The following CSE1L variants were observed in gnomAD, a reference collection of about 807,000 sequenced individuals.
The protein encoded by CSE1L is chromosome segregation 1 like.
In CSE1L, 24 loss-of-function variants were observed where a neutral mutation model predicts 120.4. The observed-to-expected ratio is 0.20, with a 90% CI of 0.14 to 0.28. The LOEUF is 0.28. Among genes scored for constraint, CSE1L ranks in the 10% least tolerant of loss-of-function variants. The pLI is 1.00. For missense variants in CSE1L, 830 were observed against 1,145.2 expected (o/e 0.72, Z 3.97); for synonymous variants, 402 against 398.3 (o/e 1.01, Z -0.11).
rs753704032 is a variant in CSE1L, at chr20:49,075,272, G to T, written c.1133-46G>T. On this transcript the variant is annotated intron_variant, in intron 11 of 24. Transcript: ENST00000262982. ...TCTTATAAATTGGATCAGCTTGTTG[G>T]TGGTTGTTTTTTTTCCCCATAATAT... 3.5e-6 allele frequency: 5 copies of T among 1,423,696 alleles called. No individual in the cohort carries two copies. The Admixed American group carries it at 5.3e-5, about 15-fold the overall frequency. 88.2% of individuals were successfully genotyped at this position (1,423,696 alleles called of 1,614,324 possible). A position where few individuals can be genotyped will look rare whatever the true frequency, so the allele number is the denominator to read the frequency against.
intron 21 of CSE1L, 49 bp from the exon 22 acceptor site, chr20:49,091,997 T>G: frequency 2.0e-6 from 2 of 1,002,410 alleles, no homozygotes; most frequent in South Asian, 2.8e-5. Context: ...CAGTTACCAG[T>G]TTAGTGCGTG....
At chr20:49,056,934 A>G (rs948779281) in intron 1 of CSE1L, among the ~76,000 whole-genome samples, 14 of 152,074 alleles carry the variant, frequency 9.2e-5, no homozygotes, top group Non-Finnish European at 2.1e-4. Flanking sequence ...TGTACAATAC[A>G]TTATTATAGT....
intron 14 of CSE1L, among the ~76,000 whole-genome samples, chr20:49,079,553 G>A (rs2091994544): frequency 6.6e-6 from 1 of 151,736 alleles, no homozygotes; most frequent in Non-Finnish European, 1.5e-5. Flanking sequence ...GCTTGTTGTT[G>A]GAGAAAACAC....
rs139419837 is a variant in CSE1L at position 49,066,557 on chromosome 20, A to G, written c.476+47A>G. 599 of 1,527,040 alleles carry G rather than the reference A, an allele frequency of 3.9e-4. 1 individual carries two copies. In the African/African-American group the frequency reaches 7.5e-3, roughly 19 times the overall value. The allele number at this position is 1,527,040 out of a possible 1,614,324, so 94.6% of individuals were successfully genotyped here. A position where few individuals can be genotyped will look rare whatever the true frequency, so the allele number is the denominator to read the frequency against. ...TTTTTAAAATACTTTCTAAAGTTTT[A>G]TTTGCTTGTGTAAACAGTTGTGTTT... On this transcript the variant is annotated intron_variant, in intron 5 of 24. Transcript: ENST00000262982.
At chr20:49,085,562 A>ATT (rs11471947) in intron 16 of CSE1L, among the ~76,000 whole-genome samples, 176 bp downstream of exon 16, 2,837 of 79,802 alleles carry the variant, frequency 0.036, 668 homozygotes, top group African/African-American at 0.12. Flanking sequence ...ACTAACAATA[A>ATT]TTTTTTTTTT....
intron 1 of CSE1L, among the ~76,000 whole-genome samples, chr20:49,056,708 T>G (rs1227530989): frequency 1.3e-5 from 2 of 152,148 alleles, no homozygotes; most frequent in Non-Finnish European, 2.9e-5. Context: ...TTCATTTTCC[T>G]TTTAATTGAG....
chr20:49,065,728 GGA>G (rs2091887565), intron 3 of CSE1L, among the ~76,000 whole-genome samples: 1 of 148,796 alleles, frequency 6.7e-6, no homozygotes, highest in South Asian at 2.1e-4. Context: ...CGAGTAACTG[GGA>G]TTATAGGTGC....
intron 1 of CSE1L, among the ~76,000 whole-genome samples, chr20:49,056,977 G>T (rs905066353): frequency 6.6e-6 from 1 of 152,016 alleles, no homozygotes; most frequent in African/African-American, 2.4e-5. Context: ...CTTGAACTGT[G>T]TATTTCTTAG....
In CSE1L at chr20:49,090,269, T is replaced by G. The variant is rs114679604; in HGVS notation, c.2182-473T>G. Among the ~76,000 whole-genome samples, 850 of 152,278 alleles carry G rather than the reference T, an allele frequency of 5.6e-3. 9 individuals carry two copies. The highest frequency in any genetic ancestry group is 0.019 in the African/African-American group (797 of 41,566). Reference sequence around the variant, plus strand: ...GCCAAACAGGTTGATTTTAAGAACTTAACTTTGGTCGGGCGTGGTGGCTCA... The same window carrying G: ...GCCAAACAGGTTGATTTTAAGAACTGAACTTTGGTCGGGCGTGGTGGCTCA... On this transcript the variant is annotated intron_variant, in intron 19 of 24. Transcript: ENST00000262982.
intron 14 of CSE1L, among the ~76,000 whole-genome samples, chr20:49,082,113 AGTCTTGCTCT>A (rs1471780545): frequency 2.6e-5 from 4 of 151,194 alleles, no homozygotes; most frequent in Non-Finnish European, 5.9e-5. Flanking sequence ...TTTTAGATGG[AGTCTTGCTCT>A]GTTGCCCAGG....
At chr20:49,071,953 G>A (rs1257474622) in intron 8 of CSE1L, among the ~76,000 whole-genome samples, 13 of 143,348 alleles carry the variant, frequency 9.1e-5, no homozygotes, top group Non-Finnish European at 2.0e-4. Context: ...GGGCAACAGA[G>A]GGAGACTGCG....
At chr20:49,055,945 A>G (rs1439831461) in intron 1 of CSE1L, among the ~76,000 whole-genome samples, 6 of 151,382 alleles carry the variant, frequency 4.0e-5, no homozygotes, top group Non-Finnish European at 1.5e-5. Flanking sequence ...CCTTTTTTAC[A>G]TTTTACAAAA....
chr20:49,074,008 A>G (rs886070469), intron 10 of CSE1L, among the ~76,000 whole-genome samples: 35 of 152,132 alleles, frequency 2.3e-4, no homozygotes, highest in African/African-American at 8.4e-4. Flanking sequence ...TGAGCCCAGG[A>G]GTTAAAGACC....
intron 9 of CSE1L, 27 bp downstream of exon 9, chr20:49,072,480 T>C: frequency 6.2e-7 from 1 of 1,610,188 alleles, no homozygotes; most frequent in Non-Finnish European, 8.5e-7. Context: ...GACAAATAAT[T>C]AAAAGACATT....
intron 21 of CSE1L, among the ~76,000 whole-genome samples, chr20:49,091,391 A>G (rs1156424352): frequency 6.6e-6 from 1 of 151,600 alleles, no homozygotes; most frequent in East Asian, 1.9e-4. Context: ...CACCCACTGC[A>G]CTCCATCCTA....
chr20:49,095,080 T>C, intron 24 of CSE1L, 117 bp downstream of exon 24: 1 of 789,788 alleles, frequency 1.3e-6, no homozygotes, highest in Non-Finnish European at 2.1e-6. Context: ...TAAATCTCAT[T>C]GAGTTACAGC....
intron 14 of CSE1L, 126 bp from the exon 15 acceptor site, chr20:49,083,900 C>G: frequency 1.1e-6 from 1 of 920,832 alleles, no homozygotes; most frequent in South Asian, 1.9e-5. Flanking sequence ...AGCAGCATCT[C>G]CTATTATAAC....
At chr20:49,090,587 G>A (rs1859643864) in intron 19 of CSE1L, among the ~76,000 whole-genome samples, 155 bp from the exon 20 acceptor site, 1 of 152,062 alleles carries the variant, frequency 6.6e-6, no homozygotes, top group African/African-American at 2.4e-5. Flanking sequence ...TAATGGCTAC[G>A]CGGGAGGAAT....
In CSE1L at chr20:49,066,624, T is replaced by C. The variant is rs866101836; in HGVS notation, c.476+114T>C. The C allele has an allele frequency of 9.4e-6, 9 of 956,234 alleles. No homozygotes were observed. The Middle Eastern group carries it at 2.3e-3, about 241-fold the overall frequency. 59.2% of individuals were successfully genotyped at this position (956,234 alleles called of 1,614,324 possible). A position where few individuals can be genotyped will look rare whatever the true frequency, so the allele number is the denominator to read the frequency against. ...TCCTTTGAATCTGATCATCTTGGAA[T>C]GAGAGCAGAAGTTTCTGTATTGCGT... On this transcript the variant is annotated intron_variant, in intron 5 of 24. Coordinates refer to ENST00000262982, the MANE Select transcript of CSE1L (RefSeq NM_001316.4).
Sources: gnomAD v4.1 joint callset for allele counts (sites outside exome capture counted in the v4.1 genomes callset) on GRCh38, gnomAD v4.1.1 for gene constraint, MANE v1.5 for transcripts, NCBI Gene and HGNC (gene_info 2026-07-23, HGNC 2026-07-21) for gene names.